The following PXDN variants were observed in gnomAD, a reference collection of about 807,000 sequenced individuals.
PXDN encodes the protein peroxidasin.
Under a neutral mutation model 140.3 loss-of-function variants are expected in PXDN, and 77 were observed. That is an observed-to-expected ratio of 0.55 (90% confidence interval 0.46 to 0.66). PXDN has a LOEUF of 0.66. Among genes scored for constraint, PXDN ranks in the 30% least tolerant of loss-of-function variants. PXDN has a pLI of 0.00. For synonymous variants in PXDN, 911 were observed against 857.4 expected (o/e 1.06, Z -1.09); for missense variants, 1,838 against 2,039.5 (o/e 0.90, Z 1.90).
chr2:1,648,128 G>A lies in PXDN; in HGVS notation c.3608+44C>T. Reference sequence around the variant, plus strand: ...ACACACCACAGTTCAGGTGTTCCAGGTGCCTAGGTACACGAGCCATCCCAC... The same window carrying A: ...ACACACCACAGTTCAGGTGTTCCAGATGCCTAGGTACACGAGCCATCCCAC... On this transcript the variant is annotated intron_variant, in intron 17 of 22. Transcript: ENST00000252804. The surrounding 1 kb of genome is among the most constrained non-coding windows in gnomAD (Gnocchi z 8.9). 1.3e-6 allele frequency: 2 copies of A among 1,580,026 alleles called. No homozygotes were observed. Among genetic ancestry groups the A allele is most frequent in the East Asian group, 2.2e-5 (1 of 44,460 alleles).
intron 1 of PXDN, among the ~76,000 whole-genome samples, chr2:1,719,740 G>C (rs549596796): frequency 6.6e-6 from 1 of 152,304 alleles, no homozygotes; most frequent in Non-Finnish European, 1.5e-5. Flanking sequence ...CTGCGGTCCA[G>C]GAGGACCAGG....
chr2:1,675,172 C>G (rs79876721), intron 8 of PXDN, among the ~76,000 whole-genome samples: 3,542 of 152,208 alleles, frequency 0.023, 155 homozygotes, highest in African/African-American at 0.081. Flanking sequence ...CAATCCCCCC[C>G]ACCAGAAACA....
chr2:1,647,826 C>A (rs976349983), intron 17 of PXDN, among the ~76,000 whole-genome samples: 5 of 152,196 alleles, frequency 3.3e-5, no homozygotes, highest in Non-Finnish European at 5.9e-5. Context: ...TTTTCTGGTG[C>A]GAACAGTGTA....
At chr2:1,700,436 G>A (rs1031990320) in intron 1 of PXDN, among the ~76,000 whole-genome samples, 4 of 152,000 alleles carry the variant, frequency 2.6e-5, no homozygotes, top group African/African-American at 7.2e-5. Context: ...ATCACATTTG[G>A]GTCACGATGT....
chr2:1,739,561 C>A (rs1432614871), intron 1 of PXDN, among the ~76,000 whole-genome samples: 1 of 152,198 alleles, frequency 6.6e-6, no homozygotes, highest in East Asian at 1.9e-4. Context: ...AGACACGTGG[C>A]ACTCATGTAG....
intron 1 of PXDN, among the ~76,000 whole-genome samples, chr2:1,730,180 T>C (rs775797544): frequency 9.9e-5 from 15 of 152,250 alleles, no homozygotes; most frequent in Non-Finnish European, 1.9e-4. Context: ...TTTGTTCCTG[T>C]TTATTTTTAA....
In PXDN at chr2:1,683,668, G is replaced by T; in HGVS notation, c.548C>A (p.Ser183Tyr). 6.2e-7 allele frequency: 1 copy of T among 1,604,420 alleles called. No homozygotes were observed. The highest frequency in any genetic ancestry group is 8.5e-7 in the Non-Finnish European group (1 of 1,175,112). ...LVPGTFNHLE[S>Y]MKRLRLDSNT... is the part of the protein sequence containing the mutation. ...GTTTTATACTCACAATCTCTTCATAGATTCCAAGTGATTAAATGTCCCTGG... is the reference window on the plus strand; with the variant it reads ...GTTTTATACTCACAATCTCTTCATATATTCCAAGTGATTAAATGTCCCTGG... Residue 183 changes from serine to tyrosine, a missense_variant, in exon 6 of 23, where the codon TCT becomes TAT. Around this residue, in one of 5 missense-constraint regions of PXDN, gnomAD observed 208 missense variants for 325.8 expected, o/e 0.64. Transcript: ENST00000252804.
intron 21 of PXDN, among the ~76,000 whole-genome samples, chr2:1,638,174 AC>A (rs778720736): frequency 6.6e-6 from 1 of 152,108 alleles, no homozygotes; most frequent in Non-Finnish European, 1.5e-5. Context: ...GGACCTGCGC[AC>A]CTTGGGAATC....
chr2:1,711,028 A>G (rs62649810), intron 1 of PXDN, among the ~76,000 whole-genome samples: 3,582 of 15,106 alleles, frequency 0.24, 732 homozygotes, highest in Non-Finnish European at 0.32. Flanking sequence ...ACCAGCACCC[A>G]CTCCACCAGC....
intron 1 of PXDN, among the ~76,000 whole-genome samples, chr2:1,711,600 T>TCCACCAGCATCCG (rs1684786031): frequency 2.9e-5 from 1 of 34,608 alleles, no homozygotes; most frequent in African/African-American, 1.5e-4. Flanking sequence ...CAGCACCCAC[T>TCCACCAGCATCCG]CTCCACCAGC....
chr2:1,647,254 A>T (rs933901977), intron 17 of PXDN, among the ~76,000 whole-genome samples: 1 of 152,210 alleles, frequency 6.6e-6, no homozygotes, highest in Non-Finnish European at 1.5e-5. Context: ...ATAACATGAA[A>T]AAAAAGGTAG....
chr2:1,642,361 G>A (rs1026340938), intron 19 of PXDN, among the ~76,000 whole-genome samples: 1 of 152,186 alleles, frequency 6.6e-6, no homozygotes, highest in Non-Finnish European at 1.5e-5. Context: ...TAAGCTCTTG[G>A]CCAGAACTAT....
Position 1,654,398 on chromosome 2 carries a change from A to G in PXDN, c.1946+2T>C, listed in dbSNP as rs767548320. The G allele has an allele frequency of 6.2e-7, 1 of 1,607,934 alleles. No homozygotes were observed. Among genetic ancestry groups the G allele is most frequent in the Non-Finnish European group, 8.5e-7 (1 of 1,174,400 alleles). On this transcript the variant is annotated splice_donor_variant, in intron 15 of 22. Coordinates refer to ENST00000252804, the MANE Select transcript of PXDN (RefSeq NM_012293.3). LOFTEE classifies it high-confidence loss of function. ...GTCAGCGTGTTTACAGCCCCACGAT[A>G]CCTGTCAAACAAATGTGTTCGGGTT...
intron 3 of PXDN, among the ~76,000 whole-genome samples, chr2:1,688,950 C>T (rs977708243): frequency 3.9e-5 from 6 of 152,164 alleles, no homozygotes; most frequent in African/African-American, 1.2e-4. Flanking sequence ...TTATTTCTTA[C>T]AACCCATCTA....
intron 7 of PXDN, among the ~76,000 whole-genome samples, chr2:1,679,743 CGTGT>C (rs1558505314): frequency 1.6e-3 from 137 of 85,834 alleles, no homozygotes; most frequent in African/African-American, 6.6e-3. Context: ...ATGGTGTGTG[CGTGT>C]ATGTGCGTGT....
chr2:1,664,014 G>A, intron 11 of PXDN: 1 of 486,916 alleles, frequency 2.1e-6, no homozygotes. Context: ...CTACACAGGG[G>A]GCCAGGAGGA....
chr2:1,649,187 T>TA lies in PXDN; in HGVS notation c.2592_2593insT (p.Asn865Ter). On this transcript the variant is annotated frameshift_variant, in exon 17 of 23. Transcript: ENST00000252804. LOFTEE classifies it high-confidence loss of function. This position sits in a 1 kb window ranked among gnomAD's most constrained non-coding sequence, Gnocchi z 7.1. ...GCCCCGCTCCTGGCCCGGGAGTCAT[T>TA]GGGGGGGATCATGACAGAGAAGCAG... 1 of 1,503,596 alleles carries TA rather than the reference T, an allele frequency of 6.7e-7. No individual in the cohort carries two copies. Among genetic ancestry groups the TA allele is most frequent in the Non-Finnish European group, 9.0e-7 (1 of 1,113,526 alleles). The allele number at this position is 1,503,596 out of a possible 1,614,324, so 93.1% of individuals were successfully genotyped here.
intron 3 of PXDN, among the ~76,000 whole-genome samples, chr2:1,689,767 A>G (rs559309124): frequency 1.8e-4 from 27 of 148,822 alleles, no homozygotes; most frequent in African/African-American, 6.5e-4. Flanking sequence ...CTGGGCAACA[A>G]GAGGGAAACT....
intron 1 of PXDN, among the ~76,000 whole-genome samples, chr2:1,696,982 C>T (rs1033817844): frequency 1.3e-5 from 2 of 152,154 alleles, no homozygotes; most frequent in Non-Finnish European, 2.9e-5. Flanking sequence ...CTGATTTTTG[C>T]CTGAATCATT....
Sources: allele counts gnomAD v4.1 joint callset (sites outside exome capture counted in the v4.1 genomes callset), GRCh38; gene constraint gnomAD v4.1.1; regional missense constraint gnomAD v4.1.1; non-coding constraint Gnocchi (gnomAD v3.1); transcripts MANE v1.5; gene names NCBI Gene and HGNC (gene_info 2026-07-23, HGNC 2026-07-21).